The following TUT4 variants were observed in gnomAD, a reference collection of about 807,000 sequenced individuals.
TUT4 encodes the protein terminal uridylyl transferase 4.
A neutral mutation model predicts 192.2 loss-of-function variants in TUT4; 36 were observed. The observed-to-expected ratio is 0.19, with a 90% confidence interval of 0.14 to 0.25. The LOEUF is 0.25. Ranked by LOEUF, TUT4 falls within the 10% of genes least tolerant of loss-of-function variation. The pLI, the probability that TUT4 is intolerant of heterozygous loss-of-function variation, is 1.00. For missense variants in TUT4, 1,493 were observed against 1,957.2 expected (o/e 0.76, Z 4.47); for synonymous variants, 618 against 666.0 (o/e 0.93, Z 1.11).
intron 1 of TUT4, among the ~76,000 whole-genome samples, chr1:52,538,180 G>C (rs1251022033): frequency 6.6e-6 from 1 of 152,130 alleles, no homozygotes; most frequent in Non-Finnish European, 1.5e-5. Flanking sequence ...AGGTTGCAGT[G>C]AGCCAAGACT....
chr1:52,524,687 T>C (rs1031566376), intron 2 of TUT4, among the ~76,000 whole-genome samples: 1 of 151,674 alleles, frequency 6.6e-6, no homozygotes, highest in Admixed American at 6.6e-5. Context: ...GTGCCTATAG[T>C]CCCAGCTACT....
At chr1:52,541,178 C>T (rs1390682130) in intron 1 of TUT4, among the ~76,000 whole-genome samples, 4 of 149,808 alleles carry the variant, frequency 2.7e-5, no homozygotes, top group African/African-American at 9.9e-5. Flanking sequence ...GACTGCACTC[C>T]AGCCTGGGCC....
At chr1:52,507,511 T>C (rs550247447) in intron 4 of TUT4, among the ~76,000 whole-genome samples, 1 of 152,338 alleles carries the variant, frequency 6.6e-6, no homozygotes, top group Admixed American at 6.5e-5. Flanking sequence ...GTAAATCCAC[T>C]GTTACTCTAA....
chr1:52,552,229 T>C (rs1236747754), intron 1 of TUT4, among the ~76,000 whole-genome samples: 1 of 152,192 alleles, frequency 6.6e-6, no homozygotes, highest in Non-Finnish European at 1.5e-5. Flanking sequence ...ATCTCATTCT[T>C]TCGCAATCCA....
chr1:52,529,592 G>A (rs1682798030), intron 1 of TUT4, among the ~76,000 whole-genome samples: 1 of 151,972 alleles, frequency 6.6e-6, no homozygotes, highest in African/African-American at 2.4e-5. Flanking sequence ...TTTTGTAGAT[G>A]TCATCTGACA....
At chr1:52,439,155 G>T (rs575701583) in intron 24 of TUT4, among the ~76,000 whole-genome samples, 1 of 151,824 alleles carries the variant, frequency 6.6e-6, no homozygotes, top group South Asian at 2.1e-4. Context: ...GGAGTTTGAG[G>T]CTGTAGTGCA....
chr1:52,521,021 T>C (rs1489595070), intron 2 of TUT4, among the ~76,000 whole-genome samples: 1 of 152,088 alleles, frequency 6.6e-6, no homozygotes, highest in Non-Finnish European at 1.5e-5. Context: ...CTTGAACTCC[T>C]GACCTCAGGT....
intron 4 of TUT4, among the ~76,000 whole-genome samples, chr1:52,501,865 A>G (rs911852631): frequency 5.3e-5 from 8 of 152,320 alleles, no homozygotes; most frequent in African/African-American, 1.9e-4. Flanking sequence ...TAAATAATGT[A>G]TGATTCCATT....
At position 52,548,307 on chromosome 1, in the gene TUT4, A is replaced by T. The variant is rs932731129; in HGVS notation, c.-94+4624T>A. 3.9e-5 allele frequency among the ~76,000 whole-genome samples: 6 copies of T among 152,246 alleles called. No homozygotes were observed. In the East Asian group the frequency reaches 9.6e-4, roughly 24 times the overall value. On this transcript the variant is annotated intron_variant, in intron 1 of 29. Coordinates refer to ENST00000257177, the MANE Select transcript of TUT4 (RefSeq NM_001009881.3). ...TAGTTAAATATTTAATTTAATAATT[A>T]TATTATTAAACTACACACTGACAAA...
chr1:52,545,387 A>C (rs1439974961), intron 1 of TUT4, among the ~76,000 whole-genome samples: 1 of 151,924 alleles, frequency 6.6e-6, no homozygotes, highest in African/African-American at 2.4e-5. Context: ...TCAAAAAAAA[A>C]AAAAAAAGTA....
intron 10 of TUT4, 21 bp from the exon 11 acceptor site, chr1:52,481,656 A>G: frequency 6.4e-7 from 1 of 1,566,366 alleles, no homozygotes; most frequent in Non-Finnish European, 8.6e-7. Flanking sequence ...AGGCATTCCA[A>G]ATTGGTAGTG....
At chr1:52,505,012 C>A (rs768391334) in intron 4 of TUT4, among the ~76,000 whole-genome samples, 3 of 152,188 alleles carry the variant, frequency 2.0e-5, no homozygotes, top group Non-Finnish European at 4.4e-5. Context: ...CACATACTAG[C>A]TATTGTGAAT....
At position 52,526,188 on chromosome 1, in the gene TUT4, A is replaced by T; in HGVS notation, c.93T>A (p.Asn31Lys). ...TATCATTTCTAGCTTTCAATGTTTG[A>T]TTACCTATAACTTGAACTGCTTTGC... ...EESKAVQVIG[N>K]QTLKARNDKS... The change falls in exon 2 of 30, where the codon AAT becomes AAA. Residue 31 changes from asparagine (N) to lysine (K), a missense_variant. This residue lies in a region of TUT4 where 260 missense variants were observed against 247.8 expected (regional missense o/e 1.05). Transcript: ENST00000257177. The T allele has an allele frequency of 6.2e-7, 1 of 1,611,258 alleles. No individual in the cohort carries two copies. Among genetic ancestry groups the T allele is most frequent in the Non-Finnish European group, 8.5e-7 (1 of 1,179,716 alleles).
At chr1:52,437,214 T>G (rs545812388) in intron 25 of TUT4, 1 of 432,392 alleles carries the variant, frequency 2.3e-6, no homozygotes, top group South Asian at 4.6e-5. Context: ...CTTAAACCTT[T>G]AACAATCCTT....
intron 3 of TUT4, among the ~76,000 whole-genome samples, chr1:52,513,144 A>G (rs1677702131): frequency 1.3e-5 from 2 of 151,176 alleles, no homozygotes; most frequent in Admixed American, 6.6e-5. Context: ...AAAAAGTACA[A>G]TGAATTTGCC....
At chr1:52,445,276 C>T (rs1570352095) in intron 24 of TUT4, among the ~76,000 whole-genome samples, 1 of 151,990 alleles carries the variant, frequency 6.6e-6, no homozygotes, top group African/African-American at 2.4e-5. Flanking sequence ...GGAAACTTCT[C>T]GGTTCCATGC....
At chr1:52,432,917 T>G (rs1326092564) in intron 27 of TUT4, 1 of 152,406 alleles carries the variant, frequency 6.6e-6, no homozygotes, top group Non-Finnish European at 1.5e-5. Context: ...CAAGACGCTG[T>G]CTCAAAAATG....
At chr1:52,439,159 T>C (rs2148317326) in intron 24 of TUT4, among the ~76,000 whole-genome samples, 1 of 151,552 alleles carries the variant, frequency 6.6e-6, no homozygotes, top group South Asian at 2.1e-4. Context: ...TTTGAGGCTG[T>C]AGTGCATAAT....
At chr1:52,466,638 C>T (rs1158247335) in intron 15 of TUT4, among the ~76,000 whole-genome samples, 1 of 124,876 alleles carries the variant, frequency 8.0e-6, no homozygotes, top group Non-Finnish European at 1.6e-5. Context: ...AGAGTAATAT[C>T]CTATTTCAAA....
Sources: allele counts gnomAD v4.1 joint callset (sites outside exome capture counted in the v4.1 genomes callset), GRCh38; gene constraint gnomAD v4.1.1; regional missense constraint gnomAD v4.1.1; transcripts MANE v1.5; gene names NCBI Gene and HGNC (gene_info 2026-07-23, HGNC 2026-07-21).